GPC5: variants seen among roughly 807,000 people sequenced by gnomAD.
GPC5 encodes the protein glypican 5, also known as glypican-5.
GPC5 carries 47 observed loss-of-function variants against 53.9 expected under a neutral mutation model. The observed-to-expected ratio is 0.87, with a 90% confidence interval of 0.69 to 1.11. GPC5 has a LOEUF of 1.11. GPC5 is among the 50% of genes most tolerant of loss of function. GPC5 has a pLI of 0.00. For missense variants in GPC5, 748 were observed against 713.1 expected (o/e 1.05, Z -0.56); for synonymous variants, 286 against 263.3 (o/e 1.09, Z -0.84).
At chr13:91,670,663 C>G (rs1479876632) in intron 2 of GPC5, among the ~76,000 whole-genome samples, 2 of 152,156 alleles carry the variant, frequency 1.3e-5, no homozygotes, top group Non-Finnish European at 2.9e-5. Context: ...CTGCTTCAGT[C>G]TATAAATTGG....
At chr13:91,581,389 T>C (rs539326790) in intron 2 of GPC5, among the ~76,000 whole-genome samples, 1 of 152,136 alleles carries the variant, frequency 6.6e-6, no homozygotes, top group Non-Finnish European at 1.5e-5. Context: ...GGATTCTAGA[T>C]TTTGTTTTCA....
chr13:92,738,666 C>G (rs1342557769), intron 7 of GPC5, among the ~76,000 whole-genome samples: 4 of 152,002 alleles, frequency 2.6e-5, no homozygotes, highest in Non-Finnish European at 5.9e-5. Flanking sequence ...TAACTTAAGA[C>G]AGTTCTTTCT....
chr13:92,303,871 T>A (rs183350835), intron 7 of GPC5, among the ~76,000 whole-genome samples: 182 of 152,162 alleles, frequency 1.2e-3, no homozygotes, highest in African/African-American at 4.0e-3. Context: ...CAAGAGCAGG[T>A]TTTCCAGCAT....
At chr13:92,753,475 A>T (rs1338308519) in intron 7 of GPC5, among the ~76,000 whole-genome samples, 3 of 152,234 alleles carry the variant, frequency 2.0e-5, no homozygotes, top group Non-Finnish European at 4.4e-5. Flanking sequence ...ACAAAGCTGG[A>T]CGGAGAATGA....
At chr13:92,825,645 T>A (rs1486880878) in intron 7 of GPC5, among the ~76,000 whole-genome samples, 1 of 152,170 alleles carries the variant, frequency 6.6e-6, no homozygotes, top group Non-Finnish European at 1.5e-5. Flanking sequence ...ACAAAAGTGC[T>A]GTCTACTGAG....
intron 6 of GPC5, among the ~76,000 whole-genome samples, chr13:92,132,272 T>C (rs2041750581): frequency 6.6e-6 from 1 of 152,176 alleles, no homozygotes; most frequent in Non-Finnish European, 1.5e-5. Flanking sequence ...TGAGACTATA[T>C]TGAAAGATTG....
At chr13:92,422,340 A>G (rs1876603413) in intron 7 of GPC5, among the ~76,000 whole-genome samples, 2 of 152,162 alleles carry the variant, frequency 1.3e-5, no homozygotes, top group South Asian at 4.1e-4. Flanking sequence ...TTTTCCGAAT[A>G]GTCTTCCAAG....
chr13:91,537,538 C>CAA (rs1886648518), intron 2 of GPC5, among the ~76,000 whole-genome samples: 1 of 152,080 alleles, frequency 6.6e-6, no homozygotes, highest in Non-Finnish European at 1.5e-5. Flanking sequence ...CAAAAAAAGT[C>CAA]CCATAAAGAA....
chr13:92,219,875 A>T (rs908988386), intron 7 of GPC5, among the ~76,000 whole-genome samples: 1 of 152,074 alleles, frequency 6.6e-6, no homozygotes, highest in African/African-American at 2.4e-5. Flanking sequence ...AACCCCAGAA[A>T]ATCTGTAATC....
intron 2 of GPC5, among the ~76,000 whole-genome samples, chr13:91,574,750 C>T (rs2032072065): frequency 6.6e-6 from 1 of 152,026 alleles, no homozygotes. Flanking sequence ...CATGAATTAC[C>T]TATACATGAA....
intron 7 of GPC5, among the ~76,000 whole-genome samples, chr13:92,285,597 A>AC (rs753674866): frequency 2.4e-4 from 37 of 152,132 alleles, no homozygotes; most frequent in Admixed American, 6.5e-5. Context: ...CACATCTACA[A>AC]CCATCTGATC....
chr13:92,482,360 C>T (rs944988527), intron 7 of GPC5, among the ~76,000 whole-genome samples: 23 of 152,270 alleles, frequency 1.5e-4, no homozygotes, highest in Admixed American at 1.4e-3. Context: ...GCTTCCCACT[C>T]GCCCCTATCT....
intron 7 of GPC5, among the ~76,000 whole-genome samples, chr13:92,238,879 T>C (rs2042588900): frequency 6.6e-6 from 1 of 152,024 alleles, no homozygotes; most frequent in Non-Finnish European, 1.5e-5. Context: ...TACAGCTTTT[T>C]TTAGTTCTTA....
At chr13:92,752,895 C>A (rs141950809) in intron 7 of GPC5, among the ~76,000 whole-genome samples, 7 of 152,070 alleles carry the variant, frequency 4.6e-5, no homozygotes, top group Admixed American at 6.6e-5. Flanking sequence ...AACTGCAAGG[C>A]GGCAGTGAGG....
intron 7 of GPC5, among the ~76,000 whole-genome samples, chr13:92,772,963 A>T (rs1460703767): frequency 6.6e-6 from 1 of 152,180 alleles, no homozygotes; most frequent in African/African-American, 2.4e-5. Context: ...AAATATAATA[A>T]GAAAACTAGT....
At chr13:92,381,950 C>CTATGTATGTATG (rs77694311) in intron 7 of GPC5, among the ~76,000 whole-genome samples, 20 of 102,354 alleles carry the variant, frequency 2.0e-4, no homozygotes, top group South Asian at 1.2e-3. Flanking sequence ...GAAATAATAT[C>CTATGTATGTATG]TATGTATGTA....
chr13:92,567,230 A>G (rs1168601749), intron 7 of GPC5, among the ~76,000 whole-genome samples: 5 of 152,152 alleles, frequency 3.3e-5, no homozygotes, highest in Non-Finnish European at 4.4e-5. Flanking sequence ...TACTTTTGGC[A>G]TTGTCTGCTT....
At chr13:92,836,797 A>T (rs1305879631) in intron 7 of GPC5, among the ~76,000 whole-genome samples, 1 of 152,140 alleles carries the variant, frequency 6.6e-6, no homozygotes, top group Non-Finnish European at 1.5e-5. Context: ...AATGAAAGAA[A>T]TAAAGTCTGT....
chr13:92,252,260 A>C (rs1235069084), intron 7 of GPC5, among the ~76,000 whole-genome samples: 7 of 152,130 alleles, frequency 4.6e-5, no homozygotes, highest in Non-Finnish European at 1.0e-4. Flanking sequence ...TATAAAGCAA[A>C]GAAATTAATG....
Sources: gnomAD v4.1 joint callset for allele counts (sites outside exome capture counted in the v4.1 genomes callset) on GRCh38, gnomAD v4.1.1 for gene constraint, MANE v1.5 for transcripts, NCBI Gene and HGNC (gene_info 2026-07-23, HGNC 2026-07-21) for gene names.